Variants in CDK13 observed in about 807,000 individuals in gnomAD.
CDK13 encodes the protein cyclin-dependent kinase 13.
In CDK13, 40 loss-of-function variants were observed where a neutral mutation model predicts 137.6. That is an observed-to-expected ratio of 0.29 (90% confidence interval 0.23 to 0.38). The LOEUF (loss-of-function observed/expected upper bound fraction) is 0.38. CDK13 is among the 10% of genes least tolerant of loss of function. CDK13 has a pLI of 1.00. For missense variants in CDK13, 1,704 were observed against 1,951.8 expected (o/e 0.87, Z 2.39); for synonymous variants, 869 against 760.1 (o/e 1.14, Z -2.36).
At chr7:40,004,379 C>T (rs1459762890) in intron 5 of CDK13, among the ~76,000 whole-genome samples, 1 of 152,074 alleles carries the variant, frequency 6.6e-6, no homozygotes, top group Non-Finnish European at 1.5e-5. Flanking sequence ...GTTTGTAATT[C>T]TATGCATCAT....
intron 1 of CDK13, among the ~76,000 whole-genome samples, chr7:39,960,933 T>C (rs1040760057): frequency 9.8e-5 from 15 of 152,338 alleles, no homozygotes; most frequent in Admixed American, 9.2e-4. Context: ...TTTTGGTGTT[T>C]ACCTGTGGAG....
chr7:40,026,478 A>C (rs1028041032), intron 5 of CDK13, among the ~76,000 whole-genome samples: 1 of 152,238 alleles, frequency 6.6e-6, no homozygotes, highest in African/African-American at 2.4e-5. Flanking sequence ...GCAGCACTGC[A>C]CTCCAGCCTG....
At chr7:40,017,676 C>T (rs1785030402) in intron 5 of CDK13, among the ~76,000 whole-genome samples, 1 of 151,502 alleles carries the variant, frequency 6.6e-6, no homozygotes, top group African/African-American at 2.4e-5. Context: ...ATATTGCTTG[C>T]CCTTTGTTTT....
intron 1 of CDK13, among the ~76,000 whole-genome samples, chr7:39,976,324 C>CTCTCTCTCTCTCTCACAA (rs1554321949): frequency 2.5e-4 from 3 of 11,982 alleles, no homozygotes; most frequent in Non-Finnish European, 7.9e-4. Flanking sequence ...CTCTCTCTCT[C>CTCTCTCTCTCTCTCACAA]ACACACACAC....
In CDK13 at chr7:39,951,041, G is replaced by A. The variant is rs926966364; in HGVS notation, c.400G>A (p.Ala134Thr). ...GCCGCAGCAGGACGGCGGTGGCGGT[G>A]CTAGTAGCGGCGGGGGTGTGACCCC... ...PQPQQDGGGG[A>T]SSGGGVTPLV... Residue 134 changes from alanine (A) to threonine (T), a missense_variant, in exon 1 of 14, where the codon GCT becomes ACT. By Grantham distance (58) the Ala-to-Thr change is moderately conservative. Transcript: ENST00000181839. The A allele has an allele frequency of 2.9e-5, 37 of 1,288,944 alleles. No individual in the cohort carries two copies. The highest frequency in any genetic ancestry group is 8.4e-5 in the Admixed American group (2 of 23,858). 79.8% of individuals were successfully genotyped at this position (1,288,944 alleles called of 1,614,324 possible).
intron 1 of CDK13, among the ~76,000 whole-genome samples, chr7:39,959,301 A>G (rs895402478): frequency 3.3e-5 from 5 of 150,150 alleles, no homozygotes; most frequent in African/African-American, 9.8e-5. Context: ...AGCTGGGATT[A>G]CAGGCATGCG....
Position 39,951,342 on chromosome 7 carries a change from G to C in CDK13, c.701G>C (p.Arg234Pro), listed in dbSNP as rs2116061947. ...GGSEASKSRS[R>P]HSHSGEERAE... ...AGCGAGGCCTCCAAGTCCCGCAGCC[G>C]CCACAGCCACAGCGGCGAGGAACGG... is the stretch of plus-strand genomic sequence containing the variant. The change falls in exon 1 of 14, where the codon CGC becomes CCC. Residue 234 changes from arginine to proline, a missense_variant. Physicochemically the swap from Arg to Pro is moderately radical, Grantham distance 103. Around this residue, in one of 5 missense-constraint regions of CDK13, gnomAD observed 1,051 missense variants for 931.0 expected, o/e 1.13. Coordinates refer to ENST00000181839, the MANE Select transcript of CDK13 (RefSeq NM_003718.5). 1 of 1,466,658 alleles carries C rather than the reference G, an allele frequency of 6.8e-7. No homozygotes were observed. Among genetic ancestry groups the C allele is most frequent in the Non-Finnish European group, 8.9e-7 (1 of 1,117,430 alleles). The allele number at this position is 1,466,658 out of a possible 1,614,324, so 90.9% of individuals were successfully genotyped here. A position where few individuals can be genotyped will look rare whatever the true frequency, so the allele number is the denominator to read the frequency against.
chr7:40,030,219 TTA>T lies in CDK13; in HGVS notation c.2354-15603_2354-15602del, dbSNP rs556624058. ...TCACCATTGAAATTAGAAGAGAAAA[TTA>T]TATATATATATATGTGTGTGTGTGT... On this transcript the variant is annotated intron_variant, in intron 5 of 13. Transcript: ENST00000181839. Among the ~76,000 whole-genome samples, 605 of 103,714 alleles carry T rather than the reference TTA, an allele frequency of 5.8e-3. 1 individual carries two copies. The highest frequency in any genetic ancestry group is 0.017 in the African/African-American group (503 of 29,654). The allele number at this position is 103,714 out of a possible 152,430, so 68.0% of individuals were successfully genotyped here.
At chr7:39,952,598 G>T (rs1467087837) in intron 1 of CDK13, 1 of 152,114 alleles carries the variant, frequency 6.6e-6, no homozygotes, top group Non-Finnish European at 1.5e-5. Flanking sequence ...TATAAATCTG[G>T]GTGGTGTAAC....
chr7:39,970,374 A>G (rs1170747554), intron 1 of CDK13, among the ~76,000 whole-genome samples: 4 of 152,148 alleles, frequency 2.6e-5, no homozygotes, highest in African/African-American at 9.7e-5. Context: ...TTAGGCTTAT[A>G]ATGTGCATGT....
chr7:40,048,072 A>G, intron 7 of CDK13, 195 bp downstream of exon 7: 2 of 396,026 alleles, frequency 5.1e-6, no homozygotes, highest in Non-Finnish European at 4.5e-6. Flanking sequence ...TCTCAATTTA[A>G]AAATTGATCT....
chr7:39,975,028 T>A (rs970440235), intron 1 of CDK13, among the ~76,000 whole-genome samples: 38 of 152,182 alleles, frequency 2.5e-4, no homozygotes, highest in Non-Finnish European at 2.5e-4. Context: ...GTTTTATTTT[T>A]TAATAAAAAT....
At chr7:40,054,292 A>G (rs963840604) in intron 7 of CDK13, among the ~76,000 whole-genome samples, 1 of 152,204 alleles carries the variant, frequency 6.6e-6, no homozygotes, top group Non-Finnish European at 1.5e-5. Flanking sequence ...CCTTTGTCAT[A>G]TTGGATTTAA....
In CDK13 at chr7:40,095,144, C is replaced by T; in HGVS notation, c.*164C>T. ...AATAGTTTAAAAAAGACAAAAAAAA[C>T]CTTTGCTTAAATTCATGCTGTTCTA... On this transcript the variant is annotated 3_prime_UTR_variant, in exon 14 of 14. Coordinates refer to ENST00000181839, the MANE Select transcript of CDK13 (RefSeq NM_003718.5). 1 of 517,224 alleles carries T rather than the reference C, an allele frequency of 1.9e-6. No homozygotes were observed. Among genetic ancestry groups the T allele is most frequent in the Non-Finnish European group, 3.0e-6 (1 of 332,848 alleles). The allele number at this position is 517,224 out of a possible 1,614,324, so 32.0% of individuals were successfully genotyped here.
At chr7:40,031,736 C>T (rs2150505353) in intron 5 of CDK13, among the ~76,000 whole-genome samples, 1 of 151,856 alleles carries the variant, frequency 6.6e-6, no homozygotes, top group African/African-American at 2.4e-5. Flanking sequence ...GCCTCAAACT[C>T]CCAGTCTCAA....
rs1460141022 is a variant in CDK13 at position 39,950,612 on chromosome 7, C to CG, written c.-29dup. ...ATCTGACCCGGGAGGAGGCCGCACC[C>CG]GCGCCGCGCTCTGCGGCTGGCTCTA... On this transcript the variant is annotated 5_prime_UTR_variant, in exon 1 of 14. Coordinates refer to ENST00000181839, the MANE Select transcript of CDK13 (RefSeq NM_003718.5). The CG allele has an allele frequency of 7.8e-7, 1 of 1,289,474 alleles. No homozygotes were observed. The highest frequency in any genetic ancestry group is 4.2e-5 in the Admixed American group (1 of 23,868). 79.9% of individuals were successfully genotyped at this position (1,289,474 alleles called of 1,614,324 possible).
At chr7:40,083,243 G>A (rs915804546) in intron 11 of CDK13, among the ~76,000 whole-genome samples, 2 of 151,612 alleles carry the variant, frequency 1.3e-5, no homozygotes, top group African/African-American at 4.9e-5. Flanking sequence ...AACCAACGCA[G>A]GAGGATTGCT....
At chr7:40,026,929 A>G (rs1195957717) in intron 5 of CDK13, among the ~76,000 whole-genome samples, 5 of 152,224 alleles carry the variant, frequency 3.3e-5, no homozygotes, top group Non-Finnish European at 2.9e-5. Context: ...TCTTCAAGCT[A>G]TTAGCTGGTT....
At chr7:40,082,107 G>C (rs1786675529) in intron 11 of CDK13, among the ~76,000 whole-genome samples, 1 of 152,086 alleles carries the variant, frequency 6.6e-6, no homozygotes, top group Non-Finnish European at 1.5e-5. Flanking sequence ...TTGTAAATTA[G>C]CATTTGAGAA....
Sources: gnomAD v4.1 joint callset for allele counts (sites outside exome capture counted in the v4.1 genomes callset) on GRCh38, gnomAD v4.1.1 for gene constraint, gnomAD v4.1.1 regional missense constraint, MANE v1.5 for transcripts, NCBI Gene and HGNC (gene_info 2026-07-23, HGNC 2026-07-21) for gene names.